SAMD3: variants seen among roughly 807,000 people sequenced by gnomAD.
The protein encoded by SAMD3 is sterile alpha motif domain-containing protein 3.
A neutral mutation model predicts 58.5 loss-of-function variants in SAMD3; 63 were observed. The ratio of observed to expected loss-of-function variants is 1.08; its 90% CI spans 0.88 to 1.33. The LOEUF is 1.33. Among genes scored for constraint, SAMD3 ranks in the 40% most tolerant of loss-of-function variants. The probability of loss-of-function intolerance (pLI) is 0.00; values close to 1 mark genes in which losing one functional copy is unlikely to be tolerated. For synonymous variants in SAMD3, 220 were observed against 210.3 expected, an observed-to-expected ratio of 1.05 and a Z score of -0.40; for missense variants, 604 against 608.4, an observed-to-expected ratio of 0.99 and a Z score of 0.08.
intron 9 of SAMD3, among the ~76,000 whole-genome samples, chr6:130,147,043 A>T (rs1788700371): frequency 6.6e-6 from 1 of 152,046 alleles, no homozygotes; most frequent in Non-Finnish European, 1.5e-5. Context: ...AAACCAGTTT[A>T]CTTTATGGAA....
chr6:130,294,908 G>GTT (rs1775507223), intron 2 of SAMD3, among the ~76,000 whole-genome samples: 3 of 69,654 alleles, frequency 4.3e-5, no homozygotes, highest in Non-Finnish European at 8.8e-5. Flanking sequence ...ACATTTCTCT[G>GTT]ATTTTTTTTT....
At chr6:130,344,891 A>T (rs1172208223) in intron 1 of SAMD3, among the ~76,000 whole-genome samples, 1 of 150,932 alleles carries the variant, frequency 6.6e-6, no homozygotes, top group Non-Finnish European at 1.5e-5. Flanking sequence ...GCCTAAAAAA[A>T]TTTCCTTTTA....
At chr6:130,306,938 T>A (rs1775928930) in intron 2 of SAMD3, among the ~76,000 whole-genome samples, 1 of 152,242 alleles carries the variant, frequency 6.6e-6, no homozygotes, top group Non-Finnish European at 1.5e-5. Flanking sequence ...ACTACTTCAC[T>A]ACTGAGGTTC....
At chr6:130,321,106 T>G (rs1427816855) in intron 1 of SAMD3, among the ~76,000 whole-genome samples, 1 of 152,242 alleles carries the variant, frequency 6.6e-6, no homozygotes, top group Non-Finnish European at 1.5e-5. Context: ...GTGACTCACT[T>G]GTAGCAAATA....
chr6:130,231,433 G>A (rs1221282375), intron 2 of SAMD3, among the ~76,000 whole-genome samples: 1 of 152,066 alleles, frequency 6.6e-6, no homozygotes, highest in Non-Finnish European at 1.5e-5. Context: ...GGGTGGCGAT[G>A]GATGCCTGTA....
At chr6:130,270,746 G>T (rs1187597251) in intron 2 of SAMD3, among the ~76,000 whole-genome samples, 2 of 152,118 alleles carry the variant, frequency 1.3e-5, no homozygotes, top group African/African-American at 4.8e-5. Context: ...ATATCCCATT[G>T]TATGAATAAA....
At chr6:130,144,882 T>A in intron 11 of SAMD3, 78 bp from the exon 12 acceptor site, 2 of 1,281,422 alleles carry the variant, frequency 1.6e-6, no homozygotes, top group Non-Finnish European at 2.2e-6. Flanking sequence ...ATCATGGTAT[T>A]ACAATAAATC....
intron 1 of SAMD3, among the ~76,000 whole-genome samples, chr6:130,349,114 CA>C (rs773281762): frequency 7.9e-5 from 12 of 152,140 alleles, no homozygotes; most frequent in Admixed American, 2.0e-4. Context: ...TAAATGCCCA[CA>C]AGAGAAAGCA....
intron 1 of SAMD3, among the ~76,000 whole-genome samples, chr6:130,320,892 C>A (rs1371871482): frequency 6.6e-6 from 1 of 152,224 alleles, no homozygotes; most frequent in Non-Finnish European, 1.5e-5. Flanking sequence ...TCCAGACAAG[C>A]AAATCTTGCT....
chr6:130,303,103 T>A (rs1247235375), intron 2 of SAMD3, among the ~76,000 whole-genome samples: 1 of 152,106 alleles, frequency 6.6e-6, no homozygotes, highest in Admixed American at 6.6e-5. Flanking sequence ...TTCCTAGAGG[T>A]GATCGACTGT....
chr6:130,296,785 G>A (rs1314598428), intron 2 of SAMD3, among the ~76,000 whole-genome samples: 2 of 152,118 alleles, frequency 1.3e-5, no homozygotes, highest in African/African-American at 4.8e-5. Flanking sequence ...GCTCTCAGAG[G>A]GGTGTGTCCA....
intron 1 of SAMD3, among the ~76,000 whole-genome samples, chr6:130,331,303 G>A (rs1776925051): frequency 6.6e-6 from 1 of 152,074 alleles, no homozygotes; most frequent in Non-Finnish European, 1.5e-5. Flanking sequence ...AAGTATAAAG[G>A]AGAAGACAAC....
intron 1 of SAMD3, among the ~76,000 whole-genome samples, chr6:130,355,202 T>A (rs1013929162): frequency 6.6e-6 from 1 of 152,098 alleles, no homozygotes; most frequent in Admixed American, 6.5e-5. Flanking sequence ...GGCAGGTGGA[T>A]CACCTGAGGC....
intron 9 of SAMD3, among the ~76,000 whole-genome samples, chr6:130,151,522 C>T (rs1189441731): frequency 6.6e-6 from 1 of 152,138 alleles, no homozygotes; most frequent in Non-Finnish European, 1.5e-5. Context: ...GCTCACCGCA[C>T]CCTCCGTCTC....
intron 2 of SAMD3, among the ~76,000 whole-genome samples, chr6:130,309,141 C>T (rs73615691): frequency 0.16 from 24,546 of 152,104 alleles, 2,197 homozygotes; most frequent in East Asian, 0.36. Flanking sequence ...ATTTCAAGCA[C>T]TGTAGTCATA....
chr6:130,325,191 T>C (rs2326938), intron 1 of SAMD3, among the ~76,000 whole-genome samples: 3 of 151,926 alleles, frequency 2.0e-5, no homozygotes, highest in Non-Finnish European at 4.4e-5. Flanking sequence ...AACTTATATA[T>C]AGAGAGATAT....
intron 2 of SAMD3, among the ~76,000 whole-genome samples, chr6:130,247,191 T>C (rs1773575871): frequency 6.6e-6 from 1 of 152,088 alleles, no homozygotes; most frequent in Non-Finnish European, 1.5e-5. Context: ...TGTTCCTGGC[T>C]GGGTGTGGTG....
chr6:130,337,819 A>C (rs1483601459), intron 1 of SAMD3, among the ~76,000 whole-genome samples: 1 of 152,196 alleles, frequency 6.6e-6, no homozygotes, highest in African/African-American at 2.4e-5. Context: ...GAGAGAGATG[A>C]TCTGAAATTG....
At chr6:130,157,645 G>T (rs1209725013) in intron 8 of SAMD3, among the ~76,000 whole-genome samples, 3 of 152,066 alleles carry the variant, frequency 2.0e-5, no homozygotes, top group African/African-American at 7.2e-5. Flanking sequence ...TTTTAATGGT[G>T]AAATTTTAAA....
Sources: gnomAD v4.1 joint callset for allele counts (sites outside exome capture counted in the v4.1 genomes callset) on GRCh38, gnomAD v4.1.1 for gene constraint, MANE v1.5 for transcripts, NCBI Gene and HGNC (gene_info 2026-07-23, HGNC 2026-07-21) for gene names.